Variants in REV3L observed in about 807,000 individuals in gnomAD.
The protein encoded by REV3L is REV3 like, DNA directed polymerase zeta catalytic subunit, also known as DNA polymerase zeta catalytic subunit.
REV3L carries 69 observed loss-of-function variants against 299.4 expected under a neutral mutation model. The observed-to-expected ratio is 0.23, with a 90% confidence interval of 0.19 to 0.28. The LOEUF (loss-of-function observed/expected upper bound fraction) is 0.28, where lower values mean the gene tolerates loss of function less well. REV3L is among the 10% of genes least tolerant of loss of function. The probability of loss-of-function intolerance (pLI) is 1.00; values close to 1 mark genes in which losing one functional copy is unlikely to be tolerated. For synonymous variants in REV3L, 1,238 were observed against 1,271.4 expected, an observed-to-expected ratio of 0.97 and a Z score of 0.56; for missense variants, 3,128 against 3,693.8, an observed-to-expected ratio of 0.85 and a Z score of 3.97.
In REV3L at chr6:111,474,988, T is replaced by TATATATAC. The variant is rs151075609; in HGVS notation, c.139+7761_139+7762insGTATATAT. 3.5e-3 allele frequency among the ~76,000 whole-genome samples: 518 copies of TATATATAC among 145,940 alleles called. 6 individuals are homozygous for TATATATAC. In the South Asian group the frequency reaches 0.037, roughly 10 times the overall value. On this transcript the variant is annotated intron_variant, in intron 1 of 31. Coordinates refer to ENST00000368802, the MANE Select transcript of REV3L (RefSeq NM_001372078.1). ...ATTACATTCTATAGCTGCCTATATA[T>TATATATAC]ACACACACACACACACACACACACA...
At position 111,483,134 on chromosome 6, in the gene REV3L, C is replaced by T; in HGVS notation, c.-246G>A. 1 of 490,262 alleles carries T rather than the reference C, an allele frequency of 2.0e-6. No individual in the cohort carries two copies. 30.4% of individuals were successfully genotyped at this position (490,262 alleles called of 1,614,324 possible). A position where few individuals can be genotyped will look rare whatever the true frequency, so the allele number is the denominator to read the frequency against. ...CCTCGAGCTTTCGTCGGTGCTGGTG[C>T]TGCCGCCACTGCCGCCACCGCCGGG... On this transcript the variant is annotated 5_prime_UTR_variant, in exon 1 of 32. Coordinates refer to ENST00000368802, the MANE Select transcript of REV3L (RefSeq NM_001372078.1).
intron 12 of REV3L, 74 bp downstream of exon 12, chr6:111,377,627 G>A: frequency 6.9e-7 from 1 of 1,442,406 alleles, no homozygotes; most frequent in Non-Finnish European, 9.5e-7. Context: ...GTGAGCCAGA[G>A]CGCCTAGCCT....
chr6:111,474,683 G>C (rs1034105709), intron 1 of REV3L, among the ~76,000 whole-genome samples: 10 of 152,078 alleles, frequency 6.6e-5, no homozygotes, highest in Admixed American at 3.9e-4. Flanking sequence ...TGAATTAGAA[G>C]ATCTCTAACA....
intron 9 of REV3L, among the ~76,000 whole-genome samples, chr6:111,384,510 C>T (rs980611707): frequency 6.6e-6 from 1 of 152,120 alleles, no homozygotes; most frequent in Non-Finnish European, 1.5e-5. Flanking sequence ...CATCACTGAT[C>T]ATCAGATAAA....
chr6:111,446,366 A>G (rs971770015), intron 1 of REV3L, among the ~76,000 whole-genome samples: 1 of 152,206 alleles, frequency 6.6e-6, no homozygotes, highest in African/African-American at 2.4e-5. Flanking sequence ...TAAATTAGGA[A>G]CATCCCAACA....
At chr6:111,394,857 C>T (rs572188461) in intron 4 of REV3L, among the ~76,000 whole-genome samples, 2 of 152,120 alleles carry the variant, frequency 1.3e-5, no homozygotes, top group East Asian at 1.9e-4. Context: ...CATGCACCAT[C>T]GTGACTGGCT....
upstream of REV3L, chr6:111,483,293 G>T: frequency 2.0e-6 from 1 of 488,234 alleles, no homozygotes. Flanking sequence ...CGGGGGAGGG[G>T]GCTCGGCGGG....
chr6:111,449,678 C>A (rs367575585), intron 1 of REV3L, among the ~76,000 whole-genome samples: 1 of 152,134 alleles, frequency 6.6e-6, no homozygotes, highest in African/African-American at 2.4e-5. Context: ...TCCCACCCAA[C>A]TAAGCATAAA....
intron 20 of REV3L, among the ~76,000 whole-genome samples, chr6:111,344,741 T>A (rs1167831424): frequency 6.6e-6 from 1 of 152,174 alleles, no homozygotes; most frequent in Non-Finnish European, 1.5e-5. Flanking sequence ...CAATGCAAAA[T>A]GGAAATTAAG....
intron 9 of REV3L, among the ~76,000 whole-genome samples, chr6:111,382,873 G>C (rs1252704563): frequency 6.6e-6 from 1 of 152,120 alleles, no homozygotes; most frequent in Non-Finnish European, 1.5e-5. Context: ...GGAGAGGAAG[G>C]AGTGAAGAGA....
chr6:111,362,370 A>G (rs951128542), intron 16 of REV3L, among the ~76,000 whole-genome samples: 1 of 152,206 alleles, frequency 6.6e-6, no homozygotes, highest in African/African-American at 2.4e-5. Context: ...TCTCTAGAAC[A>G]GTTTACAACA....
In REV3L at chr6:111,358,708, AT is replaced by A. The variant is rs993302461; in HGVS notation, c.7072+113del. The A allele has an allele frequency of 1.5e-4, 116 of 772,854 alleles. No homozygotes were observed. In the African/African-American group the frequency reaches 1.9e-3, roughly 13 times the overall value. 47.9% of individuals were successfully genotyped at this position (772,854 alleles called of 1,614,324 possible). On this transcript the variant is annotated intron_variant, in intron 17 of 31. Transcript: ENST00000368802. ...ATCTCCTACCCCTACCTCAGCAAAC[AT>A]TTTAGAAAAGAGTCATCATGCTTGC...
chr6:111,361,234 A>T (rs1053344440), intron 16 of REV3L: 2 of 151,862 alleles, frequency 1.3e-5, no homozygotes, highest in Non-Finnish European at 2.9e-5. Context: ...AAATACAAAA[A>T]TTAGCCGGGT....
chr6:111,375,597 T>C lies in REV3L; in HGVS notation c.2758A>G (p.Arg920Gly). The C allele has an allele frequency of 1.2e-6, 2 of 1,613,868 alleles. No homozygotes were observed. The highest frequency in any genetic ancestry group is 2.2e-5 in the East Asian group (1 of 44,870). The part of the protein sequence containing the change: ...FGLYGNKYTL[R>G]AKRKVNYETE... ...TCATAATTTACCTTGCGTTTGGCTC[T>C]AAGTGTGTATTTATTTCCATATAGT... is the stretch of plus-strand genomic sequence containing the variant. The change falls in exon 13 of 32, where the codon AGA becomes GGA. Residue 920 changes from arginine to glycine, a missense_variant. Around this residue, in one of 9 missense-constraint regions of REV3L, gnomAD observed 2,409 missense variants for 2,611.8 expected, o/e 0.92. Coordinates refer to ENST00000368802, the MANE Select transcript of REV3L (RefSeq NM_001372078.1).
intron 1 of REV3L, chr6:111,431,090 A>G: frequency 1.3e-6 from 2 of 1,499,352 alleles, no homozygotes; most frequent in African/African-American, 1.4e-5. Flanking sequence ...AATATCAACA[A>G]GAATGATTCT....
In REV3L at chr6:111,430,555, T is replaced by C. The variant is rs569070107; in HGVS notation, c.140-14083A>G. On this transcript the variant is annotated intron_variant, in intron 1 of 31. Transcript: ENST00000368802. ...AGAATTCAGAGCCTGAAGCAGAGCA[T>C]AGACTTCATGGCTGACTTGCAGAAA... 7.3e-5 allele frequency: 115 copies of C among 1,570,472 alleles called. 1 individual carries two copies. In the Admixed American group the frequency reaches 9.2e-4, roughly 13 times the overall value.
intron 1 of REV3L, among the ~76,000 whole-genome samples, chr6:111,441,232 C>G (rs1788228618): frequency 6.6e-6 from 1 of 152,052 alleles, no homozygotes; most frequent in Middle Eastern, 3.2e-3. Flanking sequence ...TCCATCTGTT[C>G]TTTTTGTTAC....
chr6:111,442,739 C>CT (rs777451641), intron 1 of REV3L, among the ~76,000 whole-genome samples: 16 of 152,166 alleles, frequency 1.1e-4, no homozygotes, highest in Non-Finnish European at 2.4e-4. Flanking sequence ...TTCAATTCTG[C>CT]CTTATCAGTT....
Position 111,389,112 on chromosome 6 carries a change from A to C in REV3L, c.856T>G (p.Ser286Ala). The C allele has an allele frequency of 6.2e-7, 1 of 1,612,242 alleles. No homozygotes were observed. The highest frequency in any genetic ancestry group is 2.2e-5 in the East Asian group (1 of 44,820). Reference protein sequence around the residue: ...NETSQMSQPESQDHRFVPATE... With the variant: ...NETSQMSQPEAQDHRFVPATE... ...AGCACTATTAGGTTTATACCTTGTG[A>C]CTCAGGTTGGCTCATTTGAGAAGTT... is the stretch of plus-strand genomic sequence containing the variant. The change falls in exon 7 of 32, where the codon TCA becomes GCA. Residue 286 changes from serine to alanine, a missense_variant. This residue lies in a region of REV3L where 2,409 missense variants were observed against 2,611.8 expected (regional missense o/e 0.92). Coordinates refer to ENST00000368802, the MANE Select transcript of REV3L (RefSeq NM_001372078.1).
Sources: gnomAD v4.1 joint callset for allele counts (sites outside exome capture counted in the v4.1 genomes callset) on GRCh38, gnomAD v4.1.1 for gene constraint, gnomAD v4.1.1 regional missense constraint, MANE v1.5 for transcripts, NCBI Gene and HGNC (gene_info 2026-07-23, HGNC 2026-07-21) for gene names.